ADCY2: variants seen among roughly 807,000 people sequenced by gnomAD.
ADCY2 encodes the protein adenylate cyclase type 2.
ADCY2 carries 31 observed loss-of-function variants against 125.2 expected under a neutral mutation model. The ratio of observed to expected loss-of-function variants is 0.25; its 90% CI spans 0.19 to 0.33. The LOEUF (loss-of-function observed/expected upper bound fraction) is 0.33. ADCY2 is among the 10% of genes least tolerant of loss of function. The probability of loss-of-function intolerance (pLI) is 1.00; values close to 1 mark genes in which losing one functional copy is unlikely to be tolerated. For missense variants in ADCY2, 904 were observed against 1,418.2 expected (o/e 0.64, Z 5.82); for synonymous variants, 512 against 548.4 (o/e 0.93, Z 0.93).
intron 1 of ADCY2, among the ~76,000 whole-genome samples, chr5:7,401,206 G>A (rs928856732): frequency 3.9e-5 from 6 of 152,206 alleles, no homozygotes; most frequent in Admixed American, 1.3e-4. Context: ...AGGACTGTTA[G>A]CTGTTCCTAG....
intron 20 of ADCY2, chr5:7,797,115 C>G (rs1313413831): frequency 1.3e-5 from 2 of 152,204 alleles, no homozygotes; most frequent in African/African-American, 4.8e-5. Context: ...AGCTCTATGC[C>G]CATGCGTCCT....
At chr5:7,603,746 T>C (rs1737296696) in intron 3 of ADCY2, among the ~76,000 whole-genome samples, 1 of 134,114 alleles carries the variant, frequency 7.5e-6, no homozygotes, top group South Asian at 2.4e-4. Context: ...TGGCATCTGC[T>C]TTCAAGCAGG....
intron 22 of ADCY2, among the ~76,000 whole-genome samples, chr5:7,812,421 TGTAA>T (rs1744973098): frequency 6.6e-6 from 1 of 152,142 alleles, no homozygotes; most frequent in African/African-American, 2.4e-5. Flanking sequence ...TTGTTAAAGC[TGTAA>T]GTAAGAGGGA....
Position 7,396,308 on chromosome 5 carries a change from G to T in ADCY2, c.12G>T (p.Glu4Asp). The change falls in exon 1 of 25, where the codon GAG becomes GAT. Residue 4 changes from glutamate to aspartate, a missense_variant. Coordinates refer to ENST00000338316, the MANE Select transcript of ADCY2 (RefSeq NM_020546.3). This position sits in a 1 kb window ranked among gnomAD's most constrained non-coding sequence, Gnocchi z 5.7. MWQ[E>D]AMRRRRYLRD... ...TGTGAGCGGCCCCGATGTGGCAGGA[G>T]GCGATGCGGCGCCGCCGCTACCTGC... is the stretch of plus-strand genomic sequence containing the variant. 7.0e-7 allele frequency: 1 copy of T among 1,423,234 alleles called. No homozygotes were observed. The allele number at this position is 1,423,234 out of a possible 1,614,324, so 88.2% of individuals were successfully genotyped here. A position where few individuals can be genotyped will look rare whatever the true frequency, so the allele number is the denominator to read the frequency against.
At chr5:7,399,412 A>G (rs991523467) in intron 1 of ADCY2, among the ~76,000 whole-genome samples, 1 of 152,226 alleles carries the variant, frequency 6.6e-6, no homozygotes, top group East Asian at 1.9e-4. Flanking sequence ...TTTTGATTTA[A>G]TATTTCCCTA....
chr5:7,573,418 G>A (rs1355449762), intron 3 of ADCY2, among the ~76,000 whole-genome samples: 1 of 152,052 alleles, frequency 6.6e-6, no homozygotes, highest in East Asian at 1.9e-4. Flanking sequence ...TCAGGGGTGT[G>A]TGCTCACATA....
chr5:7,509,283 A>G (rs932505676), intron 2 of ADCY2, among the ~76,000 whole-genome samples: 4 of 152,206 alleles, frequency 2.6e-5, no homozygotes, highest in African/African-American at 9.6e-5. Context: ...CATATGGTAT[A>G]TGGATATTCA....
At chr5:7,814,587 G>A (rs939297950) in intron 22 of ADCY2, among the ~76,000 whole-genome samples, 3 of 152,128 alleles carry the variant, frequency 2.0e-5, no homozygotes, top group Non-Finnish European at 2.9e-5. Context: ...AACACTGTGT[G>A]GAGCAGATGA....
intron 22 of ADCY2, 130 bp downstream of exon 22, chr5:7,804,822 G>C: frequency 3.0e-6 from 2 of 658,240 alleles, no homozygotes; most frequent in Non-Finnish European, 5.3e-6. Flanking sequence ...CAGGGTCAAG[G>C]TCCTATGAGA....
intron 2 of ADCY2, among the ~76,000 whole-genome samples, chr5:7,439,598 A>G (rs895243287): frequency 1.3e-5 from 2 of 152,130 alleles, no homozygotes; most frequent in Non-Finnish European, 2.9e-5. Flanking sequence ...TGCATATAGT[A>G]ACCTCATTAA....
intron 4 of ADCY2, among the ~76,000 whole-genome samples, chr5:7,652,489 C>A (rs1252409940): frequency 6.6e-6 from 1 of 152,174 alleles, no homozygotes; most frequent in Non-Finnish European, 1.5e-5. Context: ...AGAGAACTAT[C>A]CCTTTCATCT....
intron 3 of ADCY2, among the ~76,000 whole-genome samples, chr5:7,530,823 C>T (rs928730990): frequency 3.3e-5 from 5 of 152,072 alleles, no homozygotes; most frequent in African/African-American, 1.2e-4. Context: ...TTCTCATCTC[C>T]ACGTATTTAC....
intron 2 of ADCY2, among the ~76,000 whole-genome samples, chr5:7,453,551 A>G (rs768430650): frequency 6.6e-6 from 1 of 152,334 alleles, no homozygotes; most frequent in South Asian, 2.1e-4. Flanking sequence ...GCAGAAGGAG[A>G]GACCAAGGTA....
At chr5:7,457,101 T>G (rs1741701048) in intron 2 of ADCY2, among the ~76,000 whole-genome samples, 1 of 152,182 alleles carries the variant, frequency 6.6e-6, no homozygotes, top group Non-Finnish European at 1.5e-5. Context: ...ATGGTCCTAA[T>G]GCACAGGACA....
At chr5:7,589,642 ACTCT>A (rs1295889078) in intron 3 of ADCY2, among the ~76,000 whole-genome samples, 2 of 151,270 alleles carry the variant, frequency 1.3e-5, no homozygotes, top group Admixed American at 6.6e-5. Flanking sequence ...TCTAAAAGGG[ACTCT>A]CTCTGGGCCC....
chr5:7,437,903 A>T (rs1292847845), intron 2 of ADCY2, among the ~76,000 whole-genome samples: 1 of 152,218 alleles, frequency 6.6e-6, no homozygotes, highest in Non-Finnish European at 1.5e-5. Context: ...GTCTCAGAAT[A>T]TCCCTTTCCT....
At chr5:7,493,350 A>T (rs912921941) in intron 2 of ADCY2, among the ~76,000 whole-genome samples, 2 of 152,130 alleles carry the variant, frequency 1.3e-5, no homozygotes, top group Admixed American at 1.3e-4. Flanking sequence ...GAAGATGAAT[A>T]AGAGGAAGTG....
At chr5:7,582,506 C>T (rs1366595561) in intron 3 of ADCY2, among the ~76,000 whole-genome samples, 2 of 151,982 alleles carry the variant, frequency 1.3e-5, no homozygotes, top group East Asian at 3.9e-4. Context: ...TGAATTTATA[C>T]ACAAAATTCT....
chr5:7,540,120 G>A (rs1184649693), intron 3 of ADCY2, among the ~76,000 whole-genome samples: 5 of 152,164 alleles, frequency 3.3e-5, no homozygotes, highest in African/African-American at 1.2e-4. Context: ...ATCAGTGGGA[G>A]CAAAATGATG....
Sources: allele counts gnomAD v4.1 joint callset (sites outside exome capture counted in the v4.1 genomes callset), GRCh38; gene constraint gnomAD v4.1.1; non-coding constraint Gnocchi (gnomAD v3.1); transcripts MANE v1.5; gene names NCBI Gene and HGNC (gene_info 2026-07-23, HGNC 2026-07-21).